Variants in EIF2B1 observed in about 807,000 individuals in gnomAD.
EIF2B1 encodes the protein eukaryotic translation initiation factor 2B subunit alpha.
A neutral mutation model predicts 36.8 loss-of-function variants in EIF2B1; 30 were observed. The ratio of observed to expected loss-of-function variants is 0.81; its 90% CI spans 0.61 to 1.10. The LOEUF (loss-of-function observed/expected upper bound fraction) is 1.10, where lower values mean the gene tolerates loss of function less well. Ranked by LOEUF, EIF2B1 falls within the 50% of genes least tolerant of loss-of-function variation. The pLI is 0.00. For synonymous variants in EIF2B1, 139 were observed against 142.2 expected, an observed-to-expected ratio of 0.98 and a Z score of 0.16; for missense variants, 271 against 374.8, an observed-to-expected ratio of 0.72 and a Z score of 2.29.
At chr12:123,622,468 G>A (rs7313628) in intron 8 of EIF2B1, among the ~76,000 whole-genome samples, 168 bp downstream of exon 8, 75,134 of 152,036 alleles carry the variant, frequency 0.49, 20,492 homozygotes, top group African/African-American at 0.72. Context: ...AAAGACTGAA[G>A]TTCTAGGGAC....
intron 6 of EIF2B1, 102 bp downstream of exon 6, chr12:123,626,323 G>A (rs1027168894): frequency 1.4e-6 from 2 of 1,391,472 alleles, no homozygotes; most frequent in African/African-American, 1.4e-5. Flanking sequence ...ACGCTACCTG[G>A]TGTGGCTTTA....
At chr12:123,631,395 G>A (rs1255312422) in intron 2 of EIF2B1, among the ~76,000 whole-genome samples, 1 of 152,172 alleles carries the variant, frequency 6.6e-6, no homozygotes, top group African/African-American at 2.4e-5. Flanking sequence ...TTTCCTGGCC[G>A]AACATGGTGG....
intron 4 of EIF2B1, chr12:123,629,947 C>T: frequency 1.6e-6 from 1 of 614,468 alleles, no homozygotes; most frequent in South Asian, 1.9e-5. Context: ...AGCCCTCACA[C>T]CCCTTGCCCC....
At chr12:123,633,396 G>T in intron 1 of EIF2B1, 149 bp downstream of exon 1, 1 of 1,201,518 alleles carries the variant, frequency 8.3e-7, no homozygotes, top group Non-Finnish European at 1.2e-6. Context: ...CAGCGCGAGG[G>T]ATTTAGTTGT....
chr12:123,626,378 G>A, intron 6 of EIF2B1, 47 bp downstream of exon 6: 2 of 1,611,294 alleles, frequency 1.2e-6, no homozygotes, highest in Non-Finnish European at 1.7e-6. Flanking sequence ...CTGTAAGCCA[G>A]CATGGGGTGG....
At chr12:123,627,195 T>C in intron 4 of EIF2B1, 39 bp from the exon 5 acceptor site, 7 of 1,542,736 alleles carry the variant, frequency 4.5e-6, no homozygotes, top group Non-Finnish European at 5.4e-6. Context: ...GGCAGGCTCC[T>C]TGCTGCTCAC....
chr12:123,631,898 TGA>T (rs537753052), intron 2 of EIF2B1, among the ~76,000 whole-genome samples: 1,905 of 151,370 alleles, frequency 0.013, 15 homozygotes, highest in South Asian at 0.03. Flanking sequence ...CGCTTGAACT[TGA>T]GAGGCAGAGG....
Position 123,621,405 on chromosome 12 carries a change from T to G in EIF2B1, c.*351A>C. The G allele has an allele frequency of 2.8e-6, 1 of 351,556 alleles. No homozygotes were observed. 21.8% of individuals were successfully genotyped at this position (351,556 alleles called of 1,614,324 possible). ...GGCTGCTTTTCGCCTGCATCTCGCG[T>G]GCTTTAGGCAGATCAGTCTGGAGTG... On this transcript the variant is annotated 3_prime_UTR_variant, in exon 9 of 9. Transcript: ENST00000424014.
intron 4 of EIF2B1, chr12:123,629,946 ACCCC>A (rs1407185804): frequency 1.6e-6 from 1 of 608,650 alleles, no homozygotes; most frequent in African/African-American, 1.8e-5. Context: ...AAGCCCTCAC[ACCCC>A]TTGCCCCTTA....
chr12:123,632,858 A>C (rs1955209453), intron 1 of EIF2B1, among the ~76,000 whole-genome samples: 1 of 148,178 alleles, frequency 6.7e-6, no homozygotes, highest in Non-Finnish European at 1.5e-5. Context: ...AGGCAGGAGA[A>C]TGGCGTGAAC....
intron 2 of EIF2B1, among the ~76,000 whole-genome samples, chr12:123,631,511 A>G (rs1955186361): frequency 6.6e-6 from 1 of 152,122 alleles, no homozygotes; most frequent in Admixed American, 6.6e-5. Context: ...TGTCTCTACT[A>G]AAAATAAAAA....
chr12:123,625,703 C>T (rs867819672), intron 6 of EIF2B1, among the ~76,000 whole-genome samples: 12 of 152,172 alleles, frequency 7.9e-5, no homozygotes, highest in African/African-American at 2.2e-4. Context: ...CTTGGCTTTG[C>T]GACACAAGCT....
chr12:123,623,403 T>A (rs1016391697), intron 7 of EIF2B1, among the ~76,000 whole-genome samples: 7 of 152,100 alleles, frequency 4.6e-5, no homozygotes, highest in Non-Finnish European at 7.4e-5. Context: ...TAAAAAAATT[T>A]AAAAAAACAA....
At chr12:123,625,012 C>G (rs1955137854) in intron 6 of EIF2B1, 150 bp from the exon 7 acceptor site, 1 of 699,988 alleles carries the variant, frequency 1.4e-6, no homozygotes, top group African/African-American at 1.8e-5. Flanking sequence ...CGCGATAGAC[C>G]CCTGGCATTG....
intron 2 of EIF2B1, among the ~76,000 whole-genome samples, 167 bp downstream of exon 2, chr12:123,632,178 G>T (rs1955195816): frequency 6.7e-6 from 1 of 149,822 alleles, no homozygotes; most frequent in African/African-American, 2.5e-5. Context: ...CAAGGCAGGA[G>T]AATTGCTTGA....
chr12:123,632,723 G>C, intron 1 of EIF2B1, among the ~76,000 whole-genome samples: 1 of 151,852 alleles, frequency 6.6e-6, no homozygotes, highest in Non-Finnish European at 1.5e-5. Context: ...GAGGCGGGCG[G>C]ATCACGAGGT....
chr12:123,621,278 C>A lies in EIF2B1; in HGVS notation c.*478G>T. 3.9e-6 allele frequency: 1 copy of A among 253,836 alleles called. No individual in the cohort carries two copies. Among genetic ancestry groups the A allele is most frequent in the South Asian group, 4.7e-5 (1 of 21,336 alleles). The allele number at this position is 253,836 out of a possible 1,614,324, so 15.7% of individuals were successfully genotyped here. A position where few individuals can be genotyped will look rare whatever the true frequency, so the allele number is the denominator to read the frequency against. ...TGATCCTGCTGAGGAATGTGCTTAC[C>A]ACTGGAAGCCAGATGCAGATTCAGC... On this transcript the variant is annotated 3_prime_UTR_variant, in exon 9 of 9. Transcript: ENST00000424014.
Position 123,626,444 on chromosome 12 carries a change from C to G in EIF2B1, c.532G>C (p.Val178Leu), listed in dbSNP as rs767097089. 9 of 1,613,992 alleles carry G rather than the reference C, an allele frequency of 5.6e-6. No individual in the cohort carries two copies. In the Admixed American group the frequency reaches 1.3e-4, roughly 24 times the overall value. Reference sequence around the variant, plus strand: ...ACTCACCCGACAGCAGCATCTAGCACCACAGTGACAGGGACGTTGAGGTGG... The same window carrying G: ...ACTCACCCGACAGCAGCATCTAGCAGCACAGTGACAGGGACGTTGAGGTGG... ...LCHLNVPVTV[V>L]LDAAVGYIME... Residue 178 changes from valine to leucine, a missense_variant, in exon 6 of 9, where the codon GTG becomes CTG. Transcript: ENST00000424014.
At position 123,620,583 on chromosome 12, in the gene EIF2B1, TATATATA is replaced by T. The variant is rs1566210788; in HGVS notation, c.*1166_*1172del. ...CACATATAGACATATGTACATATTA[TATATATA>T]TATATATATATATATATATATATAT... On this transcript the variant is annotated 3_prime_UTR_variant, in exon 9 of 9. Coordinates refer to ENST00000424014, the MANE Select transcript of EIF2B1 (RefSeq NM_001414.4). 2.8e-3 allele frequency: 70 copies of T among 25,444 alleles called. 1 individual carries two copies. The highest frequency in any genetic ancestry group is 8.5e-3 in the African/African-American group (64 of 7,562). 1.6% of individuals were successfully genotyped at this position (25,444 alleles called of 1,614,324 possible). A position where few individuals can be genotyped will look rare whatever the true frequency, so the allele number is the denominator to read the frequency against.
Sources: allele counts gnomAD v4.1 joint callset (sites outside exome capture counted in the v4.1 genomes callset), GRCh38; gene constraint gnomAD v4.1.1; transcripts MANE v1.5; gene names NCBI Gene and HGNC (gene_info 2026-07-23, HGNC 2026-07-21).